The following ATP8B4 variants were observed in gnomAD, a reference collection of about 807,000 sequenced individuals.
ATP8B4 encodes the protein probable phospholipid-transporting ATPase IM.
ATP8B4 carries 133 observed loss-of-function variants against 145.6 expected under a neutral mutation model. That is an observed-to-expected ratio of 0.91 (90% confidence interval 0.79 to 1.05). The LOEUF is 1.05. Among genes scored for constraint, ATP8B4 ranks in the 50% least tolerant of loss-of-function variants. ATP8B4 has a pLI of 0.00. For missense variants in ATP8B4, 1,458 were observed against 1,425.2 expected (o/e 1.02, Z -0.37); for synonymous variants, 507 against 492.9 (o/e 1.03, Z -0.38).
At chr15:49,932,173 G>T (rs1005278933) in intron 15 of ATP8B4, among the ~76,000 whole-genome samples, 1 of 151,738 alleles carries the variant, frequency 6.6e-6, no homozygotes, top group African/African-American at 2.4e-5. Flanking sequence ...AAGTAAACAA[G>T]TTGCATATTA....
chr15:50,173,555 G>A (rs1391770025), intron 1 of ATP8B4, among the ~76,000 whole-genome samples: 6 of 152,094 alleles, frequency 3.9e-5, no homozygotes, highest in African/African-American at 1.4e-4. Flanking sequence ...CATAAACACT[G>A]CGGAAGGCAG....
chr15:50,023,797 G>GAAAAAAAAAAAAAAAAAAA (rs1260432604), intron 6 of ATP8B4, among the ~76,000 whole-genome samples: 4 of 91,594 alleles, frequency 4.4e-5, no homozygotes, highest in Non-Finnish European at 6.8e-5. Flanking sequence ...AAAAAAAAAA[G>GAAAAAAAAAAAAAAAAAAA]AAAAAAAAGA....
chr15:50,160,008 G>T (rs1184853306), intron 1 of ATP8B4, among the ~76,000 whole-genome samples: 1 of 113,592 alleles, frequency 8.8e-6, no homozygotes, highest in Non-Finnish European at 1.8e-5. Context: ...TCAGCATCAG[G>T]TCCTGGCTTT....
chr15:49,993,308 T>C (rs973514802), intron 9 of ATP8B4, among the ~76,000 whole-genome samples: 3 of 151,522 alleles, frequency 2.0e-5, no homozygotes, highest in African/African-American at 4.9e-5. Flanking sequence ...TAAGCAAGAA[T>C]ACAGGAAGGA....
chr15:50,066,006 A>AG (rs2053358036), intron 3 of ATP8B4, among the ~76,000 whole-genome samples: 1 of 150,626 alleles, frequency 6.6e-6, no homozygotes, highest in African/African-American at 2.4e-5. Flanking sequence ...GAGGCCAGAA[A>AG]AAAAAAAAAA....
chr15:49,995,879 C>G (rs1273496619), intron 9 of ATP8B4, among the ~76,000 whole-genome samples: 1 of 152,060 alleles, frequency 6.6e-6, no homozygotes, highest in African/African-American at 2.4e-5. Context: ...CTCTCTGCAG[C>G]CTATTATGGT....
chr15:50,068,045 G>C (rs1361696107), intron 3 of ATP8B4, among the ~76,000 whole-genome samples: 1 of 152,132 alleles, frequency 6.6e-6, no homozygotes, highest in Non-Finnish European at 1.5e-5. Flanking sequence ...TTTTCTCAGA[G>C]AAACACAGAT....
intron 1 of ATP8B4, among the ~76,000 whole-genome samples, chr15:50,138,586 T>G (rs1020463906): frequency 2.0e-5 from 3 of 152,138 alleles, no homozygotes; most frequent in Non-Finnish European, 4.4e-5. Context: ...AGGCATCATC[T>G]CCCACCTGGT....
At chr15:50,160,640 A>G in intron 1 of ATP8B4, among the ~76,000 whole-genome samples, 1 of 151,860 alleles carries the variant, frequency 6.6e-6, no homozygotes, top group South Asian at 2.1e-4. Context: ...GTCACTGGTC[A>G]TTCAGGAGCA....
At chr15:49,954,257 T>G (rs945689307) in intron 14 of ATP8B4, among the ~76,000 whole-genome samples, 1 of 152,124 alleles carries the variant, frequency 6.6e-6, no homozygotes, top group Non-Finnish European at 1.5e-5. Flanking sequence ...AAACTCCCCT[T>G]CGTGTATACA....
intron 20 of ATP8B4, among the ~76,000 whole-genome samples, chr15:49,908,759 AGCCACCACCACT>A (rs2038906219): frequency 6.6e-6 from 1 of 152,102 alleles, no homozygotes; most frequent in Non-Finnish European, 1.5e-5. Flanking sequence ...CCCCACCTGC[AGCCACCACCACT>A]GCCACCACTG....
intron 1 of ATP8B4, among the ~76,000 whole-genome samples, chr15:50,142,663 T>C (rs2044227541): frequency 6.6e-6 from 1 of 152,132 alleles, no homozygotes; most frequent in South Asian, 2.1e-4. Flanking sequence ...TAGTTTAAGG[T>C]AGTAATGAAA....
chr15:50,086,824 A>G (rs2055155030), intron 2 of ATP8B4, among the ~76,000 whole-genome samples: 1 of 73,036 alleles, frequency 1.4e-5, no homozygotes, highest in Non-Finnish European at 2.3e-5. Context: ...ATATAATAAA[A>G]TAATAGAGAT....
chr15:50,076,454 TG>T (rs2054178627), intron 2 of ATP8B4, among the ~76,000 whole-genome samples: 1 of 150,408 alleles, frequency 6.6e-6, no homozygotes, highest in African/African-American at 2.5e-5. Flanking sequence ...ATTACACCAC[TG>T]CACCCCAGCC....
chr15:50,156,106 A>AT (rs1567410571), intron 1 of ATP8B4, among the ~76,000 whole-genome samples: 9,109 of 26,346 alleles, frequency 0.35, 688 homozygotes, highest in Admixed American at 0.41. Flanking sequence ...ATATATATAT[A>AT]AATATATATA....
At chr15:49,980,037 CATT>C (rs558965199) in intron 11 of ATP8B4, among the ~76,000 whole-genome samples, 1 of 152,152 alleles carries the variant, frequency 6.6e-6, no homozygotes, top group Non-Finnish European at 1.5e-5. Flanking sequence ...TGGGAACAGT[CATT>C]ATCCCCACTT....
At chr15:49,881,908 T>G (rs2035480399) in intron 23 of ATP8B4, among the ~76,000 whole-genome samples, 2 of 152,206 alleles carry the variant, frequency 1.3e-5, no homozygotes, top group Admixed American at 1.3e-4. Flanking sequence ...AGAAGAGAAT[T>G]AGAACTTAAT....
intron 14 of ATP8B4, among the ~76,000 whole-genome samples, chr15:49,952,730 G>C (rs1043952249): frequency 2.0e-5 from 3 of 152,090 alleles, no homozygotes; most frequent in African/African-American, 7.2e-5. Context: ...GTCCAGTTCT[G>C]CACCCTTGAT....
intron 7 of ATP8B4, among the ~76,000 whole-genome samples, chr15:50,003,666 A>C (rs1485132644): frequency 6.6e-6 from 1 of 152,088 alleles, no homozygotes; most frequent in African/African-American, 2.4e-5. Flanking sequence ...ATGGGCCTGC[A>C]CCTCTCCTCC....
Sources: gnomAD v4.1 joint callset for allele counts (sites outside exome capture counted in the v4.1 genomes callset) on GRCh38, gnomAD v4.1.1 for gene constraint, MANE v1.5 for transcripts, NCBI Gene and HGNC (gene_info 2026-07-23, HGNC 2026-07-21) for gene names.